The following CES5A variants were observed in gnomAD, a reference collection of about 807,000 sequenced individuals.
The protein encoded by CES5A is carboxylesterase 5A.
Under a neutral mutation model 62.9 loss-of-function variants are expected in CES5A, and 67 were observed. The ratio of observed to expected loss-of-function variants is 1.07; its 90% CI spans 0.88 to 1.31. The LOEUF is 1.31. Among genes scored for constraint, CES5A ranks in the 50% most tolerant of loss-of-function variants. The pLI is 0.00. For missense variants in CES5A, 748 were observed against 708.5 expected, an observed-to-expected ratio of 1.06 and a Z score of -0.63; for synonymous variants, 296 against 280.8, an observed-to-expected ratio of 1.05 and a Z score of -0.54.
chr16:55,938,540 A>C (rs2034402211), intron 2 of CES5A, among the ~76,000 whole-genome samples: 1 of 151,500 alleles, frequency 6.6e-6, no homozygotes, highest in Non-Finnish European at 1.5e-5. Flanking sequence ...GATCAAGACC[A>C]TCCTGGCTAA....
At chr16:55,882,092 A>G (rs1376705293) in intron 1 of CES5A, among the ~76,000 whole-genome samples, 1 of 152,204 alleles carries the variant, frequency 6.6e-6, no homozygotes, top group African/African-American at 2.4e-5. Flanking sequence ...GGCCATAACA[A>G]TGAAAAATCC....
chr16:55,877,464 G>GTA (rs1355211285), upstream of CES5A, among the ~76,000 whole-genome samples: 3 of 114,542 alleles, frequency 2.6e-5, no homozygotes, highest in African/African-American at 6.7e-5. Flanking sequence ...ATGTGTGTGT[G>GTA]TGTATATATA....
At chr16:55,924,106 G>A (rs139694179) in intron 1 of CES5A, among the ~76,000 whole-genome samples, 5 of 151,822 alleles carry the variant, frequency 3.3e-5, no homozygotes, top group Non-Finnish European at 7.4e-5. Context: ...CATTCCAACT[G>A]GAAAGAAAGA....
intron 2 of CES5A, among the ~76,000 whole-genome samples, chr16:55,938,682 G>A (rs1490314025): frequency 7.7e-6 from 1 of 129,838 alleles, no homozygotes; most frequent in Non-Finnish European, 1.5e-5. Flanking sequence ...CTTGCAGTGA[G>A]CCAAGACCAT....
exon 1 of CES5A, chr16:55,955,944 GC>G: frequency 6.6e-7 from 1 of 1,504,030 alleles, no homozygotes; most frequent in Non-Finnish European, 8.9e-7. Flanking sequence ...TTGACACAGA[GC>G]CCCAGTCCTC....
intron 1 of CES5A, among the ~76,000 whole-genome samples, chr16:55,953,603 G>C (rs2034580001): frequency 1.3e-5 from 2 of 152,158 alleles, no homozygotes; most frequent in Non-Finnish European, 2.9e-5. Context: ...AATGTCAGCA[G>C]AAGTGGTATA....
rs556467160 is a variant in CES5A, at chr16:55,932,196, G to T, written c.160+17589C>A. 3.9e-5 allele frequency among the ~76,000 whole-genome samples: 6 copies of T among 152,250 alleles called. No homozygotes were observed. The East Asian group carries it at 1.2e-3, about 29-fold the overall frequency. On this transcript the variant is annotated intron_variant, in intron 2 of 13. Coordinates refer to the CES5A transcript ENST00000521992. ...GCCAGAACCAGTCACACATGCAATT[G>T]CTATCCATGTGATGCCCTGTGCCAC...
upstream of CES5A, among the ~76,000 whole-genome samples, chr16:55,927,055 C>T (rs1460571220): frequency 6.6e-6 from 1 of 152,120 alleles, no homozygotes; most frequent in East Asian, 1.9e-4. Context: ...AAGAATGAAA[C>T]TGAATCCCTG....
In CES5A at chr16:55,846,491, A is replaced by T; in HGVS notation, c.1688T>A (p.Leu563His). Reference sequence around the variant, plus strand: ...GAAAAAGAAAGGCTGGAGGAGAGAGAGGAAAGTTAAGGAAGAAAGAGGACT... The same window carrying T: ...GAAAAAGAAAGGCTGGAGGAGAGAGTGGAAAGTTAAGGAAGAAAGAGGACT... ...LHSPLSSLTFLSLLQPFFFFC... is the reference protein window; with the variant it reads ...LHSPLSSLTFHSLLQPFFFFC... The change falls in exon 13 of 13, where the codon CTC becomes CAC. Residue 563 changes from leucine to histidine, a missense_variant. By Grantham distance (99) the Leu-to-His change is moderately conservative. Coordinates refer to ENST00000290567, the MANE Select transcript of CES5A (RefSeq NM_001143685.2). 1 of 1,614,032 alleles carries T rather than the reference A, an allele frequency of 6.2e-7. No homozygotes were observed. The highest frequency in any genetic ancestry group is 8.5e-7 in the Non-Finnish European group (1 of 1,179,908).
At chr16:55,852,775 G>T in intron 10 of CES5A, 106 bp downstream of exon 10, 1 of 1,303,552 alleles carries the variant, frequency 7.7e-7, no homozygotes, top group South Asian at 1.4e-5. Flanking sequence ...CACTTTCCAT[G>T]ATAGAACAGA....
chr16:55,887,153 G>A (rs1432949210), intron 1 of CES5A, among the ~76,000 whole-genome samples: 2 of 152,050 alleles, frequency 1.3e-5, no homozygotes, highest in African/African-American at 4.8e-5. Flanking sequence ...AGAATCAAGA[G>A]GTGAAAGAAA....
At chr16:55,880,414 C>T (rs766422101) in intron 1 of CES5A, among the ~76,000 whole-genome samples, 2 of 152,162 alleles carry the variant, frequency 1.3e-5, no homozygotes, top group Non-Finnish European at 2.9e-5. Context: ...AAGTGGGGCT[C>T]CCATTGCTCA....
At chr16:55,877,202 T>A (rs186689498), upstream of CES5A, among the ~76,000 whole-genome samples, 429 of 152,226 alleles carry the variant, frequency 2.8e-3, 1 homozygote, top group Non-Finnish European at 4.6e-3. Context: ...CCAGACACCA[T>A]CTTGGCAAGG....
chr16:55,854,478 C>A (rs1244897106), intron 9 of CES5A, among the ~76,000 whole-genome samples: 1 of 149,196 alleles, frequency 6.7e-6, no homozygotes, highest in Non-Finnish European at 1.5e-5. Flanking sequence ...AGCTGCAACT[C>A]GTCAAACATC....
chr16:55,894,498 CAAAAAAAAA>C (rs370359945), intron 1 of CES5A, among the ~76,000 whole-genome samples: 2 of 103,000 alleles, frequency 1.9e-5, no homozygotes, highest in African/African-American at 4.1e-5. Context: ...AACTCTGTCT[CAAAAAAAAA>C]AAAAAAAAGA....
chr16:55,912,530 G>C (rs2034104746), intron 1 of CES5A, among the ~76,000 whole-genome samples: 1 of 151,900 alleles, frequency 6.6e-6, no homozygotes, highest in Non-Finnish European at 1.5e-5. Context: ...AGGCAGAGGA[G>C]GAAGAGAAAG....
intron 1 of CES5A, among the ~76,000 whole-genome samples, chr16:55,893,376 T>G (rs985363902): frequency 6.6e-6 from 1 of 151,880 alleles, no homozygotes; most frequent in Admixed American, 6.6e-5. Flanking sequence ...AAAAGACAAG[T>G]AAGGTCAATA....
intron 11 of CES5A, among the ~76,000 whole-genome samples, chr16:55,847,738 C>T (rs2033045270): frequency 1.3e-5 from 2 of 152,152 alleles, no homozygotes; most frequent in Non-Finnish European, 2.9e-5. Flanking sequence ...TATACAAAAA[C>T]ATTTATATGC....
chr16:55,938,847 T>C (rs1248071232), intron 2 of CES5A, among the ~76,000 whole-genome samples: 25 of 141,608 alleles, frequency 1.8e-4, no homozygotes, highest in African/African-American at 5.8e-4. Flanking sequence ...CACATATATA[T>C]ATGTAGATAT....
Sources: gnomAD v4.1 joint callset for allele counts (sites outside exome capture counted in the v4.1 genomes callset) on GRCh38, gnomAD v4.1.1 for gene constraint, MANE v1.5 for transcripts, NCBI Gene and HGNC (gene_info 2026-07-23, HGNC 2026-07-21) for gene names.